RNF13: variants seen among roughly 807,000 people sequenced by gnomAD.
The protein encoded by RNF13 is E3 ubiquitin-protein ligase RNF13.
Under a neutral mutation model 37.7 loss-of-function variants are expected in RNF13, and 19 were observed. The ratio of observed to expected loss-of-function variants is 0.50; its 90% confidence interval spans 0.35 to 0.74. The LOEUF (loss-of-function observed/expected upper bound fraction) is 0.74, where lower values mean the gene tolerates loss of function less well. Ranked by LOEUF, RNF13 falls within the 30% of genes least tolerant of loss-of-function variation. RNF13 has a pLI of 0.01. For missense variants in RNF13, 375 were observed against 453.0 expected (o/e 0.83, Z 1.56); for synonymous variants, 144 against 157.8 (o/e 0.91, Z 0.65).
At chr3:149,847,059 C>A (rs1165175837) in intron 2 of RNF13, among the ~76,000 whole-genome samples, 2 of 152,096 alleles carry the variant, frequency 1.3e-5, no homozygotes, top group Non-Finnish European at 2.9e-5. Flanking sequence ...AGTGAGCTTT[C>A]GACTTTATGA....
intron 3 of RNF13, among the ~76,000 whole-genome samples, chr3:149,856,212 G>T (rs988664703): frequency 6.6e-6 from 1 of 151,596 alleles, no homozygotes; most frequent in Non-Finnish European, 1.5e-5. Context: ...CAAAATTATT[G>T]GATTATTATG....
intron 1 of RNF13, among the ~76,000 whole-genome samples, chr3:149,843,152 A>G (rs1722329179): frequency 1.3e-5 from 2 of 152,170 alleles, no homozygotes; most frequent in Admixed American, 6.5e-5. Flanking sequence ...CAGCATAACC[A>G]CTATTTACAT....
chr3:149,944,565 T>C (rs1399552425), intron 8 of RNF13, among the ~76,000 whole-genome samples: 2 of 152,250 alleles, frequency 1.3e-5, no homozygotes, highest in African/African-American at 2.4e-5. Context: ...CCAGTGATGA[T>C]GAGCATTTTT....
chr3:149,872,208 A>T, intron 4 of RNF13, 54 bp downstream of exon 4: 2 of 1,204,542 alleles, frequency 1.7e-6, no homozygotes, highest in South Asian at 1.6e-5. Flanking sequence ...TAGCTAATTT[A>T]AATCATTTAC....
At chr3:149,867,231 A>G (rs1576790431) in intron 3 of RNF13, among the ~76,000 whole-genome samples, 9 of 149,666 alleles carry the variant, frequency 6.0e-5, no homozygotes, top group Admixed American at 4.0e-4. Context: ...TGCAGAATTG[A>G]CCCCTTTATC....
intron 3 of RNF13, among the ~76,000 whole-genome samples, chr3:149,861,075 G>C (rs1027368608): frequency 1.3e-5 from 2 of 152,034 alleles, no homozygotes; most frequent in African/African-American, 2.4e-5. Context: ...TCTTAATCCA[G>C]TTAGGCTGAC....
chr3:149,859,020 G>A (rs894870819), intron 3 of RNF13, among the ~76,000 whole-genome samples: 1 of 152,090 alleles, frequency 6.6e-6, no homozygotes, highest in Non-Finnish European at 1.5e-5. Flanking sequence ...TCCTTTGCCT[G>A]CTTTCTTTGC....
chr3:149,853,455 GGAGAGAGA>G (rs397842025), intron 3 of RNF13, among the ~76,000 whole-genome samples: 5,014 of 117,262 alleles, frequency 0.043, 92 homozygotes, highest in Middle Eastern at 0.056. Context: ...AGAGAGAGAG[GGAGAGAGA>G]GAGAGAGAGA....
intron 1 of RNF13, among the ~76,000 whole-genome samples, chr3:149,842,483 T>G (rs1238308308): frequency 6.6e-6 from 1 of 152,176 alleles, no homozygotes; most frequent in Admixed American, 6.5e-5. Flanking sequence ...GATAAAGCAA[T>G]TTTTGTAGTT....
At chr3:149,872,904 T>G (rs1286175250) in intron 4 of RNF13, among the ~76,000 whole-genome samples, 2 of 152,208 alleles carry the variant, frequency 1.3e-5, no homozygotes, top group African/African-American at 4.8e-5. Flanking sequence ...AGTAAACTTA[T>G]GAGAGGAATA....
At chr3:149,850,701 A>G (rs1723048712) in intron 2 of RNF13, among the ~76,000 whole-genome samples, 1 of 152,226 alleles carries the variant, frequency 6.6e-6, no homozygotes, top group Non-Finnish European at 1.5e-5. Context: ...TTTTGTCCTC[A>G]TTCTATTTCC....
intron 3 of RNF13, among the ~76,000 whole-genome samples, chr3:149,857,067 C>G (rs1476261758): frequency 6.6e-6 from 1 of 152,124 alleles, no homozygotes; most frequent in African/African-American, 2.4e-5. Context: ...TACTTTTAAA[C>G]TCTGCCCAGA....
intron 1 of RNF13, among the ~76,000 whole-genome samples, chr3:149,834,164 C>A (rs1220708508): frequency 6.6e-6 from 1 of 152,138 alleles, no homozygotes; most frequent in Non-Finnish European, 1.5e-5. Context: ...AGACTTAATA[C>A]TGTTAAGATG....
rs190599315 is a variant in RNF13, at chr3:149,839,631, A to T, written c.-16-6380A>T. ...TCACTCTCATGAGAATAGCATGGGA[A>T]AGACCTGCCCCCATGATTCAATTAA... On this transcript the variant is annotated intron_variant, in intron 1 of 9. Transcript: ENST00000392894. Among the ~76,000 whole-genome samples, 5 of 152,276 alleles carry T rather than the reference A, an allele frequency of 3.3e-5. No individual in the cohort carries two copies. In the East Asian group the frequency reaches 9.7e-4, roughly 29 times the overall value.
chr3:149,907,070 T>G (rs1559942452), intron 6 of RNF13, among the ~76,000 whole-genome samples: 1 of 152,340 alleles, frequency 6.6e-6, no homozygotes, highest in South Asian at 2.1e-4. Context: ...TGGAGTCTCC[T>G]CTTTCATTAC....
chr3:149,859,210 A>G (rs978396323), intron 3 of RNF13, among the ~76,000 whole-genome samples: 1 of 152,370 alleles, frequency 6.6e-6, no homozygotes. Flanking sequence ...CAAAGGATAA[A>G]TAAAGAAATA....
chr3:149,937,150 T>G (rs1719774535), intron 8 of RNF13, among the ~76,000 whole-genome samples: 1 of 152,206 alleles, frequency 6.6e-6, no homozygotes, highest in South Asian at 2.1e-4. Flanking sequence ...TTTCCTTTGC[T>G]GGAGTTGCTA....
chr3:149,886,629 T>C (rs1313554985), intron 4 of RNF13, among the ~76,000 whole-genome samples: 2 of 152,210 alleles, frequency 1.3e-5, no homozygotes, highest in Non-Finnish European at 2.9e-5. Context: ...TAGAACTGCC[T>C]GTACAATACT....
At chr3:149,825,874 A>G (rs951948878) in intron 1 of RNF13, among the ~76,000 whole-genome samples, 5 of 152,206 alleles carry the variant, frequency 3.3e-5, no homozygotes, top group Non-Finnish European at 4.4e-5. Context: ...CACCTATATA[A>G]TGAAGTTAAT....
Sources: gnomAD v4.1 joint callset for allele counts (sites outside exome capture counted in the v4.1 genomes callset) on GRCh38, gnomAD v4.1.1 for gene constraint, MANE v1.5 for transcripts, NCBI Gene and HGNC (gene_info 2026-07-23, HGNC 2026-07-21) for gene names.